CSMD1: variants seen among roughly 807,000 people sequenced by gnomAD.
CSMD1 encodes CUB and Sushi multiple domains 1, also known as CUB and sushi domain-containing protein 1.
A neutral mutation model predicts 417.5 loss-of-function variants in CSMD1; 213 were observed. That is an observed-to-expected ratio of 0.51 (90% confidence interval 0.46 to 0.57). The LOEUF (loss-of-function observed/expected upper bound fraction) is 0.57. Ranked by LOEUF, CSMD1 falls within the 20% of genes least tolerant of loss-of-function variation. The probability of loss-of-function intolerance (pLI) is 0.00; values close to 1 mark genes in which losing one functional copy is unlikely to be tolerated. For synonymous variants in CSMD1, 2,862 were observed against 1,736.8 expected, an observed-to-expected ratio of 1.65 and a Z score of -16.11; for missense variants, 6,923 against 4,529.7, an observed-to-expected ratio of 1.53 and a Z score of -15.17.
At chr8:3,349,769 AGATAT>A (rs1172499239) in intron 21 of CSMD1, among the ~76,000 whole-genome samples, 2 of 142,010 alleles carry the variant, frequency 1.4e-5, no homozygotes, top group East Asian at 4.0e-4. Flanking sequence ...GCTATAAAAT[AGATAT>A]AAGTCTAAAT....
At chr8:3,342,684 G>T (rs1469021322) in intron 23 of CSMD1, among the ~76,000 whole-genome samples, 1 of 152,140 alleles carries the variant, frequency 6.6e-6, no homozygotes, top group Non-Finnish European at 1.5e-5. Context: ...TCATACAGAT[G>T]ATGGGAAGCA....
chr8:3,898,175 G>T (rs576577392), intron 5 of CSMD1, among the ~76,000 whole-genome samples: 1 of 152,036 alleles, frequency 6.6e-6, no homozygotes, highest in Non-Finnish European at 1.5e-5. Context: ...ATCAATCCCT[G>T]CAAGCCATCC....
chr8:3,941,442 AT>A (rs1176073485), intron 5 of CSMD1, among the ~76,000 whole-genome samples: 1 of 152,148 alleles, frequency 6.6e-6, no homozygotes. Context: ...ATAAAATTTG[AT>A]TGATTCCTGA....
chr8:3,535,496 A>G (rs1174815122), intron 10 of CSMD1, among the ~76,000 whole-genome samples: 1 of 152,176 alleles, frequency 6.6e-6, no homozygotes, highest in Non-Finnish European at 1.5e-5. Flanking sequence ...CTAAATATGT[A>G]TGCACATGGA....
chr8:4,578,424 C>T (rs181394270), intron 2 of CSMD1, among the ~76,000 whole-genome samples: 7 of 148,606 alleles, frequency 4.7e-5, no homozygotes, highest in Non-Finnish European at 5.9e-5. Flanking sequence ...CATGATTCGC[C>T]CACCTCAGCA....
At chr8:4,420,130 G>A in intron 2 of CSMD1, 65 bp from the exon 3 acceptor site, 1 of 1,157,568 alleles carries the variant, frequency 8.6e-7, no homozygotes, top group South Asian at 1.3e-5. Context: ...AAGCTTATTT[G>A]ATGAAGTCAC....
chr8:3,648,926 A>T (rs1460484837), intron 7 of CSMD1, among the ~76,000 whole-genome samples: 1 of 151,142 alleles, frequency 6.6e-6, no homozygotes, highest in Non-Finnish European at 1.5e-5. Context: ...AACAACAGCT[A>T]TTTTTTTTTC....
chr8:3,488,895 G>A (rs963302649), intron 11 of CSMD1, among the ~76,000 whole-genome samples: 2 of 151,910 alleles, frequency 1.3e-5, no homozygotes, highest in African/African-American at 4.8e-5. Context: ...ATTTCTATTT[G>A]GTTTGATTTC....
intron 65 of CSMD1, 100 bp downstream of exon 65, chr8:2,954,124 C>T (rs377582317): frequency 1.1e-4 from 61 of 580,660 alleles, no homozygotes; most frequent in South Asian, 6.5e-4. Flanking sequence ...CGTGGACTAA[C>T]GGATTCAGAA....
rs749345233 is a variant in CSMD1 at position 2,974,504 on chromosome 8, G to C, written c.8687C>G (p.Thr2896Arg). ...RGSESLIGND[T>R]RVCQEDSHWS... is the part of the protein sequence containing the mutation. ...GTGACTGTCTTCCTGGCACACTCTC[G>C]TGTCGTTGCCTATGAGGCTCTCGCT... Residue 2896 changes from threonine to arginine, a missense_variant, in exon 56 of 70, where the codon ACG becomes AGG. Transcript: ENST00000635120. 3.7e-6 allele frequency: 6 copies of C among 1,613,590 alleles called. No individual in the cohort carries two copies. Among genetic ancestry groups the C allele is most frequent in the Non-Finnish European group, 5.1e-6 (6 of 1,179,642 alleles).
chr8:3,836,404 G>A (rs1460937078), intron 5 of CSMD1, among the ~76,000 whole-genome samples: 1 of 152,028 alleles, frequency 6.6e-6, no homozygotes, highest in African/African-American at 2.4e-5. Context: ...TGTTTTCTTA[G>A]GTGATGGAAA....
At chr8:4,019,452 TTATTA>T (rs1796680946) in intron 4 of CSMD1, among the ~76,000 whole-genome samples, 1 of 21,758 alleles carries the variant, frequency 4.6e-5, no homozygotes, top group Non-Finnish European at 8.5e-5. Flanking sequence ...GAACATTCCC[TTATTA>T]GGGCCCTTAT....
intron 3 of CSMD1, among the ~76,000 whole-genome samples, chr8:4,225,836 T>G (rs1193009427): frequency 1.3e-5 from 2 of 152,166 alleles, no homozygotes; most frequent in Non-Finnish European, 2.9e-5. Flanking sequence ...TGGCACAATA[T>G]GATCAGCCTA....
chr8:3,868,670 T>A (rs1484824240), intron 5 of CSMD1, among the ~76,000 whole-genome samples: 1 of 152,154 alleles, frequency 6.6e-6, no homozygotes, highest in African/African-American at 2.4e-5. Flanking sequence ...ACCTCTGCAA[T>A]CTTTCCATCT....
At chr8:3,452,044 T>G (rs952700593) in intron 12 of CSMD1, among the ~76,000 whole-genome samples, 1 of 152,284 alleles carries the variant, frequency 6.6e-6, no homozygotes, top group Admixed American at 6.5e-5. Flanking sequence ...CCCTTGTAAG[T>G]TGGATTCCTA....
chr8:4,186,494 A>G (rs533824548), intron 3 of CSMD1, among the ~76,000 whole-genome samples: 11 of 152,286 alleles, frequency 7.2e-5, no homozygotes, highest in Admixed American at 3.9e-4. Flanking sequence ...TAAATAAATA[A>G]GATGGAATTT....
intron 1 of CSMD1, among the ~76,000 whole-genome samples, chr8:4,934,398 A>G (rs35560665): frequency 0.3 from 46,282 of 152,118 alleles, 8,100 homozygotes; most frequent in Non-Finnish European, 0.4. Flanking sequence ...ATCAAGAATA[A>G]TAATTCAGGA....
At chr8:4,478,243 AG>A (rs1286205545) in intron 2 of CSMD1, among the ~76,000 whole-genome samples, 1 of 152,190 alleles carries the variant, frequency 6.6e-6, no homozygotes, top group Non-Finnish European at 1.5e-5. Context: ...AAGCTTCCTT[AG>A]AAATGCTTAT....
intron 5 of CSMD1, among the ~76,000 whole-genome samples, chr8:3,862,537 T>G (rs1804788087): frequency 6.6e-6 from 1 of 152,222 alleles, no homozygotes; most frequent in Non-Finnish European, 1.5e-5. Flanking sequence ...AAAATTCACC[T>G]TTTCTTTGAG....
Sources: gnomAD v4.1 joint callset for allele counts (sites outside exome capture counted in the v4.1 genomes callset) on GRCh38, gnomAD v4.1.1 for gene constraint, MANE v1.5 for transcripts, NCBI Gene and HGNC (gene_info 2026-07-23, HGNC 2026-07-21) for gene names.